ANKRD12: variants seen among roughly 807,000 people sequenced by gnomAD.
ANKRD12 encodes the protein ankyrin repeat domain-containing protein 12.
Under a neutral mutation model 183.4 loss-of-function variants are expected in ANKRD12, and 85 were observed. The ratio of observed to expected loss-of-function variants is 0.46; its 90% CI spans 0.39 to 0.56. ANKRD12 has a LOEUF of 0.56. ANKRD12 is among the 20% of genes least tolerant of loss of function. The probability of loss-of-function intolerance (pLI) is 0.00; values close to 1 mark genes in which losing one functional copy is unlikely to be tolerated. For missense variants in ANKRD12, 2,405 were observed against 2,357.1 expected (o/e 1.02, Z -0.42); for synonymous variants, 914 against 800.2 (o/e 1.14, Z -2.40).
intron 1 of ANKRD12, among the ~76,000 whole-genome samples, chr18:9,171,109 G>A (rs551676703): frequency 7.0e-4 from 107 of 152,268 alleles, no homozygotes; most frequent in African/African-American, 2.3e-3. Flanking sequence ...GTGTCAGTCC[G>A]CCCCTACTGG....
intron 1 of ANKRD12, among the ~76,000 whole-genome samples, chr18:9,149,771 G>T (rs1049654260): frequency 8.8e-4 from 11 of 12,484 alleles, no homozygotes; most frequent in Non-Finnish European, 1.9e-3. Flanking sequence ...TATTTGTAAT[G>T]ATTTATTTAT....
chr18:9,174,129 C>G (rs1356108551), intron 1 of ANKRD12, among the ~76,000 whole-genome samples: 1 of 152,240 alleles, frequency 6.6e-6, no homozygotes, highest in Non-Finnish European at 1.5e-5. Flanking sequence ...TCCTCCTCAT[C>G]AGGACCACCT....
intron 8 of ANKRD12, among the ~76,000 whole-genome samples, chr18:9,233,607 G>A (rs899528912): frequency 6.7e-6 from 1 of 149,062 alleles, no homozygotes; most frequent in Non-Finnish European, 1.5e-5. Flanking sequence ...AATGGTGTTA[G>A]TTGGATAGGG....
At chr18:9,269,945 G>T (rs2039505341) in intron 10 of ANKRD12, among the ~76,000 whole-genome samples, 1 of 152,156 alleles carries the variant, frequency 6.6e-6, no homozygotes, top group Admixed American at 6.6e-5. Flanking sequence ...ATCAACAAGT[G>T]GGTGAAGGAT....
At chr18:9,181,006 C>T (rs564425394) in intron 1 of ANKRD12, among the ~76,000 whole-genome samples, 1 of 152,252 alleles carries the variant, frequency 6.6e-6, no homozygotes, top group South Asian at 2.1e-4. Flanking sequence ...ACTCCATAAG[C>T]TTTACCAGTG....
Position 9,283,614 on chromosome 18 carries a change from A to G in ANKRD12, c.*2488A>G, listed in dbSNP as rs1238261271. ...AAAAGGATGGTTAGTTTAATCAGTG[A>G]TTCTTTTTAAACTCTTCAAATATCA... On this transcript the variant is annotated 3_prime_UTR_variant, in exon 13 of 13. Transcript: ENST00000262126. 2 of 152,618 alleles carry G rather than the reference A, an allele frequency of 1.3e-5. No homozygotes were observed. The highest frequency in any genetic ancestry group is 4.8e-5 in the African/African-American group (2 of 41,456). The allele number at this position is 152,618 out of a possible 1,614,324, so 9.5% of individuals were successfully genotyped here. A position where few individuals can be genotyped will look rare whatever the true frequency, so the allele number is the denominator to read the frequency against.
At chr18:9,244,985 C>T (rs1185432417) in intron 8 of ANKRD12, among the ~76,000 whole-genome samples, 1 of 151,880 alleles carries the variant, frequency 6.6e-6, no homozygotes, top group Non-Finnish European at 1.5e-5. Flanking sequence ...TGACTTTCTA[C>T]CATGAAGTTT....
Position 9,186,832 on chromosome 18 carries a change from A to G in ANKRD12, c.87+4313A>G, listed in dbSNP as rs1013936355. ...AGTGGCGCGATCTCAGCTCACTGCAAGCTCCACCTCCTGGGTTCACGCCAT... is the reference window on the plus strand; with the variant it reads ...AGTGGCGCGATCTCAGCTCACTGCAGGCTCCACCTCCTGGGTTCACGCCAT... On this transcript the variant is annotated intron_variant, in intron 2 of 12. Coordinates refer to ENST00000262126, the MANE Select transcript of ANKRD12 (RefSeq NM_015208.5). Among the ~76,000 whole-genome samples the G allele has an allele frequency of 1.3e-5, 2 of 149,942 alleles. 1 individual carries two copies. The highest frequency in any genetic ancestry group is 4.9e-5 in the African/African-American group (2 of 40,486).
intron 10 of ANKRD12, among the ~76,000 whole-genome samples, chr18:9,272,568 A>G (rs954765535): frequency 1.3e-5 from 2 of 152,090 alleles, no homozygotes; most frequent in Non-Finnish European, 2.9e-5. Flanking sequence ...TCTCAAAAAA[A>G]AAAAGAAAAA....
At chr18:9,268,994 A>G (rs1443554654) in intron 10 of ANKRD12, among the ~76,000 whole-genome samples, 1 of 152,186 alleles carries the variant, frequency 6.6e-6, no homozygotes, top group African/African-American at 2.4e-5. Flanking sequence ...AAACAGAGCC[A>G]AATCATGAGT....
Position 9,182,447 on chromosome 18 carries a change from G to A in ANKRD12, c.15G>A (p.Gly5=), listed in dbSNP as rs114129498. The change falls in exon 2 of 13, where the codon GGG becomes GGA. Residue 5 remains glycine, a synonymous_variant. Coordinates refer to ENST00000262126, the MANE Select transcript of ANKRD12 (RefSeq NM_015208.5). ...ACAGCTGTAAAATGCCCAAATCTGG[G>A]TTCACAAAACCAATTCAGAGTGAAA... MPKS[G]FTKPIQSENS... is the part of the protein sequence containing the mutation. 3.4e-5 allele frequency: 55 copies of A among 1,610,908 alleles called. No homozygotes were observed. Among genetic ancestry groups the A allele is most frequent in the Non-Finnish European group, 4.3e-5 (51 of 1,178,478 alleles).
At chr18:9,267,814 A>C (rs1322546823) in intron 10 of ANKRD12, among the ~76,000 whole-genome samples, 3 of 151,994 alleles carry the variant, frequency 2.0e-5, no homozygotes, top group African/African-American at 7.3e-5. Flanking sequence ...AACCCTTCAA[A>C]AAATCAATGA....
intron 10 of ANKRD12, among the ~76,000 whole-genome samples, chr18:9,269,803 CA>C (rs1318541028): frequency 2.0e-5 from 3 of 152,094 alleles, no homozygotes; most frequent in Admixed American, 2.0e-4. Context: ...TTCTGCACAG[CA>C]AAAGAAACTA....
chr18:9,238,217 T>C (rs1450018113), intron 8 of ANKRD12, among the ~76,000 whole-genome samples: 2 of 152,200 alleles, frequency 1.3e-5, no homozygotes, highest in Non-Finnish European at 2.9e-5. Context: ...CGTAACTTCC[T>C]CATTTCCTTT....
chr18:9,265,009 C>A (rs937912528), intron 10 of ANKRD12, among the ~76,000 whole-genome samples: 1 of 152,242 alleles, frequency 6.6e-6, no homozygotes, highest in East Asian at 1.9e-4. Context: ...GTGCTACGCC[C>A]ACGGAGCCTC....
Position 9,258,213 on chromosome 18 carries a change from A to G in ANKRD12, c.4946A>G (p.Asp1649Gly), listed in dbSNP as rs1157472443. ...SLVLTHLSRC[D>G]SDLCEMNAGM... ...GTTTTAACTCATTTGAGTAGGTGTG[A>G]TTCTGATTTATGTGAAATGAATGCA... Residue 1649 changes from aspartate to glycine, a missense_variant, in exon 9 of 13, where the codon GAT (aspartate) becomes GGT (glycine). Physicochemically the swap from Asp to Gly is moderately conservative, Grantham distance 94. Transcript: ENST00000262126. The G allele has an allele frequency of 1.2e-6, 2 of 1,613,794 alleles. No homozygotes were observed. Among genetic ancestry groups the G allele is most frequent in the Non-Finnish European group, 1.7e-6 (2 of 1,179,968 alleles).
chr18:9,247,945 C>T (rs2038060630), intron 8 of ANKRD12, among the ~76,000 whole-genome samples: 2 of 152,128 alleles, frequency 1.3e-5, no homozygotes, highest in African/African-American at 2.4e-5. Flanking sequence ...CCCCACCTCG[C>T]CTGCCTAATT....
In ANKRD12 at chr18:9,245,514, G is replaced by A. The variant is rs117030017; in HGVS notation, c.944-8697G>A. 7.7e-3 allele frequency among the ~76,000 whole-genome samples: 1,166 copies of A among 152,112 alleles called. 10 individuals are homozygous for A. The highest frequency in any genetic ancestry group is 0.012 in the Non-Finnish European group (819 of 67,992). ...CTAGTTTGTAATTGTTTAAGGTCAA[G>A]GCATGACTTTTTTCTTTATAAACTA... On this transcript the variant is annotated intron_variant, in intron 8 of 12. Coordinates refer to ENST00000262126, the MANE Select transcript of ANKRD12 (RefSeq NM_015208.5).
chr18:9,157,073 A>G (rs1282962429), intron 1 of ANKRD12, among the ~76,000 whole-genome samples: 2 of 152,200 alleles, frequency 1.3e-5, no homozygotes, highest in Non-Finnish European at 2.9e-5. Flanking sequence ...GACAGTGTGG[A>G]TGTTACTCAG....
Sources: gnomAD v4.1 joint callset for allele counts (sites outside exome capture counted in the v4.1 genomes callset) on GRCh38, gnomAD v4.1.1 for gene constraint, MANE v1.5 for transcripts, NCBI Gene and HGNC (gene_info 2026-07-23, HGNC 2026-07-21) for gene names.